The following KLF17 variants were observed in gnomAD, a reference collection of about 807,000 sequenced individuals.
KLF17 encodes KLF transcription factor 17.
KLF17 carries 31 observed loss-of-function variants against 34.2 expected under a neutral mutation model. The observed-to-expected ratio is 0.91, with a 90% CI of 0.68 to 1.22. The LOEUF is 1.22. Among genes scored for constraint, KLF17 ranks in the 50% most tolerant of loss-of-function variants. The pLI, the probability that KLF17 is intolerant of heterozygous loss-of-function variation, is 0.00. For missense variants in KLF17, 478 were observed against 505.2 expected (o/e 0.95, Z 0.52); for synonymous variants, 179 against 186.7 (o/e 0.96, Z 0.34).
the KLF17 span, among the ~76,000 whole-genome samples, chr1:44,083,278 A>G: frequency 2.1e-5 from 3 of 140,522 alleles, no homozygotes; most frequent in Non-Finnish European, 3.2e-5. Context: ...AGAATTGAGT[A>G]GGGTTTTTTT....
chr1:44,104,703 G>T, the KLF17 span: 7 of 367,048 alleles, frequency 1.9e-5, no homozygotes, highest in Admixed American at 1.1e-4. Flanking sequence ...GTATAGGAGC[G>T]GCATAGCAGC....
At chr1:44,089,084 C>T in the KLF17 span, among the ~76,000 whole-genome samples, 2 of 152,042 alleles carry the variant, frequency 1.3e-5, no homozygotes, top group African/African-American at 4.8e-5. Context: ...GGTGTTAAAT[C>T]TTCAAGAAGG....
At chr1:44,092,245 G>A in the KLF17 span, among the ~76,000 whole-genome samples, 1 of 152,014 alleles carries the variant, frequency 6.6e-6, no homozygotes. Flanking sequence ...GGGAGGCTGA[G>A]GCAGGAGAAT....
At chr1:44,054,779 CTTTTT>C in the KLF17 span, among the ~76,000 whole-genome samples, 3 of 97,214 alleles carry the variant, frequency 3.1e-5, no homozygotes, top group Admixed American at 1.1e-4. Context: ...CCGTGCCCAG[CTTTTT>C]TTTTTTTTTT....
the KLF17 span, among the ~76,000 whole-genome samples, chr1:44,069,684 AT>A: frequency 3.3e-5 from 5 of 152,266 alleles, 1 homozygote; most frequent in African/African-American, 1.2e-4. The surrounding 1 kb of genome is among the most constrained non-coding windows in gnomAD (Gnocchi z 4.7). Context: ...TTCAACTGAG[AT>A]TTGGAGGGGA....
chr1:44,077,410 A>G, the KLF17 span, among the ~76,000 whole-genome samples: 7 of 152,194 alleles, frequency 4.6e-5, no homozygotes, highest in African/African-American at 7.2e-5. Context: ...AACTACTGCT[A>G]TATAACAAAT....
chr1:44,059,793 C>G, the KLF17 span, among the ~76,000 whole-genome samples: 2 of 151,728 alleles, frequency 1.3e-5, no homozygotes, highest in African/African-American at 2.4e-5. Context: ...ATACTCTGAT[C>G]CAAATCTAGT....
At chr1:44,053,948 C>A in the KLF17 span, among the ~76,000 whole-genome samples, 1 of 152,220 alleles carries the variant, frequency 6.6e-6, no homozygotes, top group African/African-American at 2.4e-5. Context: ...GATCTAGGCT[C>A]TCAATTGGAT....
At chr1:44,080,308 G>A in the KLF17 span, among the ~76,000 whole-genome samples, 1 of 138,350 alleles carries the variant, frequency 7.2e-6, no homozygotes, top group Non-Finnish European at 1.5e-5. Flanking sequence ...GTGCAATCTA[G>A]GCTCACTGCA....
In KLF17 at chr1:44,129,982, C is replaced by T. The variant is rs963131684; in HGVS notation, c.711C>T (p.Asp237=). Residue 237 remains aspartate (D), a synonymous_variant, in exon 2 of 4, where the codon GAC becomes GAT. Transcript: ENST00000372299. The stretch of plus-strand genomic sequence containing the variant: ...CATTGCTGGTTTTAGGATCTCAGGA[C>T]TCTCTTGTCAGTCAGCCAGACTCTC... ...SQSLLVLGSQ[D]SLVSQPDSQE... 9.9e-6 allele frequency: 16 copies of T among 1,614,198 alleles called. No homozygotes were observed. The South Asian group carries it at 1.1e-4, about 11-fold the overall frequency.
rs746979387 is a variant in KLF17 at position 44,129,583 on chromosome 1, G to T, written c.312G>T (p.Ala104=). 1.2e-6 allele frequency: 2 copies of T among 1,614,134 alleles called. No individual in the cohort carries two copies. Residue 104 remains alanine, a synonymous_variant, in exon 2 of 4, where the codon GCG becomes GCT. Coordinates refer to ENST00000372299, the MANE Select transcript of KLF17 (RefSeq NM_173484.4). ...GTGGTATGAGCTACTGCCCCCAAGC[G>T]ACTCTCACTCCTTCCCGGATGATTT... is the stretch of plus-strand genomic sequence containing the variant. ...PERGMSYCPQ[A]TLTPSRMIYC... is the part of the protein sequence containing the mutation.
the KLF17 span, among the ~76,000 whole-genome samples, chr1:44,062,855 T>C: frequency 6.6e-6 from 1 of 152,314 alleles, no homozygotes; most frequent in African/African-American, 2.4e-5. Flanking sequence ...TAAACATGCA[T>C]ACACTCTGTG....
the KLF17 span, among the ~76,000 whole-genome samples, chr1:44,111,042 A>G: frequency 6.6e-6 from 1 of 152,158 alleles, no homozygotes; most frequent in African/African-American, 2.4e-5. Flanking sequence ...GTTGGAATGC[A>G]GTGGTGTGAC....
chr1:44,111,348 A>T, the KLF17 span, among the ~76,000 whole-genome samples: 1 of 151,274 alleles, frequency 6.6e-6, no homozygotes, highest in Non-Finnish European at 1.5e-5. Flanking sequence ...ATTCCCATGG[A>T]TGTTTTTATG....
chr1:44,090,020 G>A, the KLF17 span, among the ~76,000 whole-genome samples: 5 of 151,420 alleles, frequency 3.3e-5, no homozygotes, highest in African/African-American at 7.3e-5. Context: ...AAAGTTAGCC[G>A]GGCGTACTCG....
At chr1:44,122,563 C>T in intron 1 of KLF17, 2 of 774,158 alleles carry the variant, frequency 2.6e-6, no homozygotes, top group Non-Finnish European at 2.4e-6. Flanking sequence ...AATCCAACAA[C>T]CGAATACTGA....
intron 1 of KLF17, among the ~76,000 whole-genome samples, chr1:44,125,903 G>C (rs879937103): frequency 1.3e-5 from 2 of 152,040 alleles, no homozygotes; most frequent in Non-Finnish European, 2.9e-5. Flanking sequence ...GTAACATTGG[G>C]GGTTGAGTTG....
chr1:44,061,733 C>T, the KLF17 span, among the ~76,000 whole-genome samples: 1 of 152,238 alleles, frequency 6.6e-6, no homozygotes, highest in African/African-American at 2.4e-5. Context: ...GCCTGGCCAA[C>T]GTGGTGAAAT....
At chr1:44,074,513 C>T in the KLF17 span, among the ~76,000 whole-genome samples, 1 of 152,140 alleles carries the variant, frequency 6.6e-6, no homozygotes, top group African/African-American at 2.4e-5. Flanking sequence ...CAGGGGAAGA[C>T]AGACAGCTTT....
Sources: allele counts gnomAD v4.1 joint callset (sites outside exome capture counted in the v4.1 genomes callset), GRCh38; gene constraint gnomAD v4.1.1; non-coding constraint Gnocchi (gnomAD v3.1); transcripts MANE v1.5; gene names NCBI Gene and HGNC (gene_info 2026-07-23, HGNC 2026-07-21).